PRKN: variants seen among roughly 807,000 people sequenced by gnomAD.
PRKN encodes the protein parkin RBR E3 ubiquitin protein ligase, also known as E3 ubiquitin-protein ligase parkin.
In PRKN, 56 loss-of-function variants were observed where a neutral mutation model predicts 59.5. That is an observed-to-expected ratio of 0.94 (90% CI 0.76 to 1.18). The LOEUF is 1.18. PRKN is among the 50% of genes most tolerant of loss of function. PRKN has a pLI of 0.00. For synonymous variants in PRKN, 250 were observed against 222.1 expected (o/e 1.13, Z -1.12); for missense variants, 657 against 596.4 (o/e 1.10, Z -1.06).
chr6:161,604,306 G>A (rs1782201866), intron 7 of PRKN, among the ~76,000 whole-genome samples: 1 of 152,164 alleles, frequency 6.6e-6, no homozygotes, highest in Non-Finnish European at 1.5e-5. Context: ...AGACCATTTA[G>A]TTTAAGACAT....
At chr6:162,318,796 C>T (rs1782861157) in intron 2 of PRKN, among the ~76,000 whole-genome samples, 1 of 151,962 alleles carries the variant, frequency 6.6e-6, no homozygotes. Flanking sequence ...AAAGATATAA[C>T]ATTTGTGAAA....
rs533431638 is a variant in PRKN, at chr6:161,726,391, C to T, written c.871+59381G>A. On this transcript the variant is annotated intron_variant, in intron 7 of 11. Coordinates refer to ENST00000366898, the MANE Select transcript of PRKN (RefSeq NM_004562.3). ...TGTTGCACGTGGAAAAAAAATCTGC[C>T]AAAGTAACCTATGTCGTGAAAGCAC... Among the ~76,000 whole-genome samples the T allele has an allele frequency of 3.1e-4, 47 of 152,264 alleles. 1 individual carries two copies. In the South Asian group the frequency reaches 9.3e-3, roughly 30 times the overall value.
chr6:162,450,429 T>TAATCCC (rs1562774367), intron 1 of PRKN, among the ~76,000 whole-genome samples: 1 of 150,652 alleles, frequency 6.6e-6, no homozygotes, highest in African/African-American at 2.5e-5. Context: ...CCTGTGATTG[T>TAATCCC]CTTCCTCCTG....
chr6:161,835,945 T>C (rs965830869), intron 6 of PRKN, among the ~76,000 whole-genome samples: 1 of 152,326 alleles, frequency 6.6e-6, no homozygotes, highest in Admixed American at 6.5e-5. Context: ...TTAAATTAAA[T>C]ACCCAATTTA....
At position 162,727,722 on chromosome 6, in the gene PRKN, G is replaced by C; in HGVS notation, c.-54C>G. 1 of 1,536,118 alleles carries C rather than the reference G, an allele frequency of 6.5e-7. No homozygotes were observed. The highest frequency in any genetic ancestry group is 8.8e-7 in the Non-Finnish European group (1 of 1,134,474). On this transcript the variant is annotated 5_prime_UTR_variant, in exon 1 of 12. Coordinates refer to ENST00000366898, the MANE Select transcript of PRKN (RefSeq NM_004562.3). ...CAGGAACAGGCCCATGCGCGCAGCG[G>C]CGCCAGCCGCGCCTCCCACCAGCGG...
chr6:162,125,503 G>A (rs773784539), intron 4 of PRKN, among the ~76,000 whole-genome samples: 1 of 152,106 alleles, frequency 6.6e-6, no homozygotes, highest in Non-Finnish European at 1.5e-5. Context: ...CACTGTTTCA[G>A]TTTCAGGAAT....
In PRKN at chr6:162,055,814, C is replaced by T. The variant is rs141328568; in HGVS notation, c.535-1640G>A. Among the ~76,000 whole-genome samples, 223 of 151,694 alleles carry T rather than the reference C, an allele frequency of 1.5e-3. 3 individuals are homozygous for T. In the South Asian group the frequency reaches 0.024, roughly 16 times the overall value. ...TCTGCTTCAGGAACCAGTGTAGAGC[C>T]GCCCTGGCACTTTGTAGCAGATGCT... On this transcript the variant is annotated intron_variant, in intron 4 of 11. Coordinates refer to ENST00000366898, the MANE Select transcript of PRKN (RefSeq NM_004562.3).
chr6:161,663,602 CAT>C (rs1327954873), intron 7 of PRKN, among the ~76,000 whole-genome samples: 3 of 152,170 alleles, frequency 2.0e-5, no homozygotes, highest in Non-Finnish European at 1.5e-5. Context: ...ACCAAGAGTG[CAT>C]GTCAGGCAAG....
At chr6:162,336,479 G>C (rs1321768299) in intron 2 of PRKN, among the ~76,000 whole-genome samples, 5 of 152,114 alleles carry the variant, frequency 3.3e-5, no homozygotes, top group African/African-American at 1.2e-4. Context: ...GTACTGAACT[G>C]ACAGAGATTC....
chr6:161,740,709 G>A (rs1017649863), intron 7 of PRKN, among the ~76,000 whole-genome samples: 6 of 152,266 alleles, frequency 3.9e-5, no homozygotes, highest in African/African-American at 1.4e-4. Flanking sequence ...AACAGGCAGT[G>A]AGCCCAAGCT....
Position 161,447,280 on chromosome 6 carries a change from T to C in PRKN, c.1084-60403A>G, listed in dbSNP as rs1562455720. Among the ~76,000 whole-genome samples, 1 of 152,210 alleles carries C rather than the reference T, an allele frequency of 6.6e-6. No homozygotes were observed. The highest frequency in any genetic ancestry group is 1.5e-5 in the Non-Finnish European group (1 of 68,028). The stretch of plus-strand genomic sequence containing the variant: ...TCGGTTCTCTCTGACATGCTCAATC[T>C]AGGGTTTCCCGCGGCTAAACCCTAA... On this transcript the variant is annotated intron_variant, in intron 9 of 11. Transcript: ENST00000366898. This position sits in a 1 kb window ranked among gnomAD's most constrained non-coding sequence, Gnocchi z 4.1.
chr6:162,682,560 CAT>C (rs1263203791), intron 1 of PRKN, among the ~76,000 whole-genome samples: 1 of 152,076 alleles, frequency 6.6e-6, no homozygotes, highest in East Asian at 1.9e-4. Flanking sequence ...ATTGAATACA[CAT>C]AGACACAAAG....
In PRKN at chr6:161,393,496, C is replaced by A. The variant is rs1409344670; in HGVS notation, c.1084-6619G>T. On this transcript the variant is annotated intron_variant, in intron 9 of 11. Transcript: ENST00000366898. The surrounding 1 kb of genome is among the most constrained non-coding windows in gnomAD (Gnocchi z 4.7). ...CCAGAGAGCTATGTGAATGGCCCAT[C>A]ATGCCTCTCATTCAATATCATGTCA... Among the ~76,000 whole-genome samples the A allele has an allele frequency of 6.6e-6, 1 of 152,108 alleles. No homozygotes were observed. The highest frequency in any genetic ancestry group is 1.5e-5 in the Non-Finnish European group (1 of 68,040).
chr6:162,211,940 A>G (rs1244876362), intron 3 of PRKN, among the ~76,000 whole-genome samples: 1 of 152,206 alleles, frequency 6.6e-6, no homozygotes, highest in African/African-American at 2.4e-5. Context: ...TTAGAAACAC[A>G]TGGTGATGTC....
intron 7 of PRKN, among the ~76,000 whole-genome samples, chr6:161,713,932 G>A (rs989937439): frequency 2.6e-5 from 4 of 152,208 alleles, no homozygotes; most frequent in Admixed American, 2.0e-4. Context: ...CCCTGCACAC[G>A]CTCTCTTGCC....
rs189564147 is a variant in PRKN at position 162,715,494 on chromosome 6, A to G, written c.7+12168T>C. Among the ~76,000 whole-genome samples, 427 of 152,302 alleles carry G rather than the reference A, an allele frequency of 2.8e-3. 5 individuals are homozygous for G. The highest frequency in any genetic ancestry group is 3.9e-3 in the Non-Finnish European group (268 of 68,030). On this transcript the variant is annotated intron_variant, in intron 1 of 11. Transcript: ENST00000366898. Reference sequence around the variant, plus strand: ...CTTCTGATTATATTAAAGTACAGCTAATTGCCCTAATAGTTTAAAGATCCT... The same window carrying G: ...CTTCTGATTATATTAAAGTACAGCTGATTGCCCTAATAGTTTAAAGATCCT...
chr6:161,812,753 T>C lies in PRKN; in HGVS notation c.735-26845A>G, dbSNP rs547068734. Among the ~76,000 whole-genome samples, 6 of 152,336 alleles carry C rather than the reference T, an allele frequency of 3.9e-5. No homozygotes were observed. In the South Asian group the frequency reaches 6.2e-4, roughly 16 times the overall value. ...ACAATACCAAGTGTTGGCAAGGATA[T>C]AGAGAAACTAAAGCCCTTAAATATT... On this transcript the variant is annotated intron_variant, in intron 6 of 11. Coordinates refer to ENST00000366898, the MANE Select transcript of PRKN (RefSeq NM_004562.3).
chr6:162,440,620 T>C (rs9356019), intron 2 of PRKN, among the ~76,000 whole-genome samples: 13,966 of 152,070 alleles, frequency 0.092, 721 homozygotes, highest in South Asian at 0.15. Context: ...TCACCTATGA[T>C]AAAGAATACG....
chr6:162,223,776 C>G (rs1208745999), intron 3 of PRKN, among the ~76,000 whole-genome samples: 3 of 152,108 alleles, frequency 2.0e-5, no homozygotes, highest in Non-Finnish European at 4.4e-5. Flanking sequence ...GTCATTCCCA[C>G]AGCTCTACCT....
Sources: gnomAD v4.1 joint callset for allele counts (sites outside exome capture counted in the v4.1 genomes callset) on GRCh38, gnomAD v4.1.1 for gene constraint, Gnocchi (gnomAD v3.1) non-coding constraint, MANE v1.5 for transcripts, NCBI Gene and HGNC (gene_info 2026-07-23, HGNC 2026-07-21) for gene names.